Variants in STPG2 observed in about 807,000 individuals in gnomAD.
The protein encoded by STPG2 is sperm-tail PG-rich repeat-containing protein 2.
Under a neutral mutation model 54.2 loss-of-function variants are expected in STPG2, and 56 were observed. The ratio of observed to expected loss-of-function variants is 1.03; its 90% CI spans 0.83 to 1.29. STPG2 has a LOEUF of 1.29. STPG2 is among the 50% of genes most tolerant of loss of function. The pLI is 0.00. For synonymous variants in STPG2, 200 were observed against 181.8 expected (o/e 1.10, Z -0.81); for missense variants, 596 against 544.9 (o/e 1.09, Z -0.93).
At chr4:97,861,771 C>T (rs1175062114) in intron 8 of STPG2, among the ~76,000 whole-genome samples, 3 of 152,118 alleles carry the variant, frequency 2.0e-5, no homozygotes, top group Admixed American at 1.3e-4. Context: ...CAATATTCAA[C>T]GTTCTTAAAG....
chr4:97,797,690 T>A (rs571295), intron 9 of STPG2, among the ~76,000 whole-genome samples: 88,688 of 152,044 alleles, frequency 0.58, 26,444 homozygotes, highest in East Asian at 0.74. Context: ...TATCAGGATG[T>A]TGCTGGCCTC....
chr4:97,800,785 G>A (rs931806237), intron 9 of STPG2, among the ~76,000 whole-genome samples: 2 of 152,168 alleles, frequency 1.3e-5, no homozygotes, highest in African/African-American at 4.8e-5. Context: ...CAGAGTTGGA[G>A]TCTACAGAGG....
chr4:98,122,429 GC>G (rs1223783733), intron 3 of STPG2, among the ~76,000 whole-genome samples: 9 of 152,208 alleles, frequency 5.9e-5, no homozygotes, highest in Admixed American at 4.6e-4. Flanking sequence ...TTTATCAAAG[GC>G]CTTTTCTGTG....
At chr4:97,634,984 A>G (rs1044752225) in intron 10 of STPG2, among the ~76,000 whole-genome samples, 1 of 152,216 alleles carries the variant, frequency 6.6e-6, no homozygotes, top group African/African-American at 2.4e-5. Flanking sequence ...CAGGAAATAC[A>G]GAGAACGCCA....
intron 10 of STPG2, among the ~76,000 whole-genome samples, chr4:97,612,887 T>C (rs1456067438): frequency 6.6e-6 from 1 of 152,078 alleles, no homozygotes; most frequent in Non-Finnish European, 1.5e-5. Flanking sequence ...TTATTTCAAC[T>C]ATTTATATAA....
chr4:97,589,546 T>C (rs1733085385), intron 10 of STPG2, among the ~76,000 whole-genome samples: 1 of 152,146 alleles, frequency 6.6e-6, no homozygotes, highest in Admixed American at 6.6e-5. Context: ...ATTTTCTAGG[T>C]CAGGAGTTGG....
intron 3 of STPG2, among the ~76,000 whole-genome samples, chr4:98,113,846 C>A (rs1430353697): frequency 6.6e-6 from 1 of 151,974 alleles, no homozygotes; most frequent in Non-Finnish European, 1.5e-5. Flanking sequence ...CTTTGGAATT[C>A]CTAAGTATAA....
chr4:97,787,473 C>T (rs1479597702), intron 9 of STPG2, among the ~76,000 whole-genome samples: 1 of 151,938 alleles, frequency 6.6e-6, no homozygotes, highest in Non-Finnish European at 1.5e-5. Context: ...TTCAGGGATC[C>T]ATGACTTGAT....
chr4:97,816,993 T>C (rs1161346355), intron 9 of STPG2, among the ~76,000 whole-genome samples: 2 of 147,870 alleles, frequency 1.4e-5, no homozygotes, highest in Non-Finnish European at 3.0e-5. Flanking sequence ...TATTATTTTA[T>C]ATATACATAT....
chr4:97,631,938 CAGTT>C (rs1388933576), intron 10 of STPG2, among the ~76,000 whole-genome samples: 6 of 151,852 alleles, frequency 4.0e-5, no homozygotes, highest in Non-Finnish European at 5.9e-5. Context: ...AAGACAAAAA[CAGTT>C]AGAAAAAGCT....
At chr4:98,086,091 A>G (rs921048318) in intron 5 of STPG2, among the ~76,000 whole-genome samples, 1 of 152,160 alleles carries the variant, frequency 6.6e-6, no homozygotes. Flanking sequence ...AAAGTATTAT[A>G]TGTACCATTA....
chr4:97,661,186 T>C (rs1233921007), intron 10 of STPG2, among the ~76,000 whole-genome samples: 1 of 152,100 alleles, frequency 6.6e-6, no homozygotes, highest in Non-Finnish European at 1.5e-5. Context: ...CTTGATAGTT[T>C]AGGAAAACAA....
At chr4:97,981,045 G>T in intron 6 of STPG2, 114 bp downstream of exon 6, 1 of 1,108,890 alleles carries the variant, frequency 9.0e-7, no homozygotes, top group Non-Finnish European at 1.3e-6. Context: ...GACTTAAAAT[G>T]ACACCAACCA....
At chr4:97,512,653 G>A (rs1730996102) in intron 4 of STPG2, among the ~76,000 whole-genome samples, 2 of 151,932 alleles carry the variant, frequency 1.3e-5, no homozygotes, top group Admixed American at 6.6e-5. Context: ...AGATAGGGGT[G>A]GGAGGAAGAA....
intron 1 of STPG2, among the ~76,000 whole-genome samples, chr4:98,141,733 A>G (rs771622099): frequency 2.3e-4 from 35 of 152,290 alleles, no homozygotes; most frequent in Non-Finnish European, 7.4e-5. Context: ...GTCACAGGCC[A>G]TGGTCACTCA....
At chr4:97,839,664 TAACTC>T (rs1277799535) in intron 9 of STPG2, among the ~76,000 whole-genome samples, 1 of 151,422 alleles carries the variant, frequency 6.6e-6, no homozygotes, top group Admixed American at 6.6e-5. Context: ...CATGGTGTAA[TAACTC>T]AAGAGAAGAA....
intron 8 of STPG2, among the ~76,000 whole-genome samples, chr4:97,939,169 A>G (rs906927778): frequency 1.3e-5 from 2 of 152,144 alleles, no homozygotes; most frequent in Non-Finnish European, 2.9e-5. Flanking sequence ...ACTGTGGTCC[A>G]AGGATGCGTT....
chr4:97,837,410 C>T lies in STPG2; in HGVS notation c.1204+3363G>A, dbSNP rs1236627728. 2.0e-5 allele frequency among the ~76,000 whole-genome samples: 3 copies of T among 151,668 alleles called. No individual in the cohort carries two copies. In the South Asian group the frequency reaches 6.2e-4, roughly 31 times the overall value. ...TTTAAATTTGTTGAGCATACCCCTGCCCCCAACCCATGACTAAAAACAGGT... is the reference window on the plus strand; with the variant it reads ...TTTAAATTTGTTGAGCATACCCCTGTCCCCAACCCATGACTAAAAACAGGT... On this transcript the variant is annotated intron_variant, in intron 9 of 10. Coordinates refer to ENST00000295268, the MANE Select transcript of STPG2 (RefSeq NM_174952.3).
intron 9 of STPG2, among the ~76,000 whole-genome samples, chr4:97,816,313 C>T (rs1560539482): frequency 6.6e-6 from 1 of 152,168 alleles, no homozygotes; most frequent in Non-Finnish European, 1.5e-5. Context: ...CAAGTCTTTG[C>T]TATTGTGAAC....
Sources: gnomAD v4.1 joint callset for allele counts (sites outside exome capture counted in the v4.1 genomes callset) on GRCh38, gnomAD v4.1.1 for gene constraint, MANE v1.5 for transcripts, NCBI Gene and HGNC (gene_info 2026-07-23, HGNC 2026-07-21) for gene names.